Variants in SARDH observed in about 807,000 individuals in gnomAD.
The protein encoded by SARDH is sarcosine dehydrogenase, also known as sarcosine dehydrogenase, mitochondrial.
In SARDH, 95 loss-of-function variants were observed where a neutral mutation model predicts 109.1. The observed-to-expected ratio is 0.87, with a 90% CI of 0.74 to 1.03. The LOEUF is 1.03. SARDH is among the 50% of genes least tolerant of loss of function. SARDH has a pLI of 0.00. For synonymous variants in SARDH, 572 were observed against 534.8 expected (o/e 1.07, Z -0.96); for missense variants, 1,267 against 1,287.8 (o/e 0.98, Z 0.25).
intron 6 of SARDH, among the ~76,000 whole-genome samples, chr9:133,721,004 G>A (rs952941556): frequency 6.6e-6 from 1 of 152,150 alleles, no homozygotes; most frequent in Non-Finnish European, 1.5e-5. Flanking sequence ...CAGAAATCAG[G>A]AGTGGAAAAA....
chr9:133,738,745 G>C (rs1832967306), upstream of SARDH, among the ~76,000 whole-genome samples: 1 of 152,230 alleles, frequency 6.6e-6, no homozygotes, highest in South Asian at 2.1e-4. Context: ...ACTGCAGGGA[G>C]GCTCCTTTGG....
intron 19 of SARDH, among the ~76,000 whole-genome samples, chr9:133,669,669 G>A (rs1309511062): frequency 2.0e-5 from 3 of 152,180 alleles, no homozygotes; most frequent in African/African-American, 7.2e-5. Context: ...GTCGCCCCCA[G>A]GCAGAGTCTC....
At chr9:133,696,199 G>GC (rs1228039648) in intron 14 of SARDH, 24 bp downstream of exon 14, 1 of 1,611,822 alleles carries the variant, frequency 6.2e-7, no homozygotes. Context: ...ACAGGAACAT[G>GC]CCCCCCAACC....
intron 19 of SARDH, 150 bp from the exon 20 acceptor site, chr9:133,667,020 C>T (rs1830097175): frequency 1.0e-6 from 1 of 1,004,760 alleles, no homozygotes; most frequent in Non-Finnish European, 1.5e-6. Flanking sequence ...CTACGCTGGT[C>T]CCCAGAGCCA....
rs532298298 is a variant in SARDH at position 133,679,801 on chromosome 9, G to A, written c.2163+5392C>T. Among the ~76,000 whole-genome samples the A allele has an allele frequency of 2.6e-5, 4 of 152,394 alleles. No individual in the cohort carries two copies. In the East Asian group the frequency reaches 7.7e-4, roughly 29 times the overall value. On this transcript the variant is annotated intron_variant, in intron 17 of 20. Transcript: ENST00000439388. Reference sequence around the variant, plus strand: ...CAGCAGCAGTGCTCAGCTGGGAATCGCGCCCAATTCGTCTGGTGGTGAGGA... The same window carrying A: ...CAGCAGCAGTGCTCAGCTGGGAATCACGCCCAATTCGTCTGGTGGTGAGGA...
intron 16 of SARDH, among the ~76,000 whole-genome samples, chr9:133,689,158 T>G (rs1030944349): frequency 6.6e-6 from 1 of 151,128 alleles, no homozygotes; most frequent in Admixed American, 6.6e-5. Context: ...TCGGCGACCT[T>G]CAGGCTGGAG....
intron 2 of SARDH, among the ~76,000 whole-genome samples, chr9:133,733,174 G>A (rs1254063836): frequency 1.3e-5 from 2 of 152,172 alleles, no homozygotes; most frequent in African/African-American, 2.4e-5. Context: ...TGGCTTGTGG[G>A]AGCCGGCTCG....
chr9:133,705,300 TG>T (rs1831649706), intron 11 of SARDH, among the ~76,000 whole-genome samples: 1 of 71,364 alleles, frequency 1.4e-5, no homozygotes, highest in Non-Finnish European at 3.0e-5. Context: ...GCCCTCACCC[TG>T]AGAACCCCCA....
Position 133,719,037 on chromosome 9 carries a change from C to T in SARDH, c.921G>A (p.Met307Ile), listed in dbSNP as rs1487252923. The T allele has an allele frequency of 6.2e-7, 1 of 1,614,010 alleles. No individual in the cohort carries two copies. ...VTERIEGIQNMPNVRDHDASV... is the reference protein window; with the variant it reads ...VTERIEGIQNIPNVRDHDASV... ...AGGCATCATGATCACGGACATTGGG[C>T]ATGTTCTGGAAGGCAGAGAGAGAGG... The change falls in exon 7 of 21, where the codon ATG (methionine) becomes ATA (isoleucine). Residue 307 changes from methionine to isoleucine, a missense_variant. Coordinates refer to ENST00000439388, the MANE Select transcript of SARDH (RefSeq NM_001134707.2).
chr9:133,663,821 G>T lies in SARDH; in HGVS notation c.*68C>A, dbSNP rs866679257. 13 of 1,598,390 alleles carry T rather than the reference G, an allele frequency of 8.1e-6. No individual in the cohort carries two copies. Among genetic ancestry groups the T allele is most frequent in the Non-Finnish European group, 1.1e-5 (13 of 1,171,668 alleles). On this transcript the variant is annotated 3_prime_UTR_variant, in exon 21 of 21. Transcript: ENST00000439388. The stretch of plus-strand genomic sequence containing the variant: ...GTTCTGGCTGGGTCCAGGGTCCTGG[G>T]ACCCAGGGCCATTTGGGACCTGTGA...
chr9:133,672,926 T>C (rs1363690264), intron 17 of SARDH, among the ~76,000 whole-genome samples: 3 of 152,194 alleles, frequency 2.0e-5, no homozygotes, highest in East Asian at 1.9e-4. Context: ...AAAGACACGA[T>C]GGCTCAAGCC....
intron 6 of SARDH, chr9:133,725,533 G>A (rs776646891): frequency 2.3e-5 from 10 of 438,816 alleles, no homozygotes; most frequent in East Asian, 7.3e-5. Context: ...AAAATCAGCC[G>A]GGTGTGGTGA....
intron 6 of SARDH, among the ~76,000 whole-genome samples, chr9:133,721,916 GA>G (rs1245632434): frequency 6.6e-6 from 1 of 152,112 alleles, no homozygotes; most frequent in Non-Finnish European, 1.5e-5. Flanking sequence ...AGGAGTTCGA[GA>G]CCAGCCTTGG....
chr9:133,661,377 A>G (rs570818982), downstream of SARDH, among the ~76,000 whole-genome samples: 2 of 151,934 alleles, frequency 1.3e-5, no homozygotes, highest in Admixed American at 6.6e-5. Context: ...AACAAAATGG[A>G]ACCTTTCTGC....
At chr9:133,675,142 G>A (rs939632967) in intron 17 of SARDH, among the ~76,000 whole-genome samples, 16 of 152,082 alleles carry the variant, frequency 1.1e-4, no homozygotes, top group Admixed American at 3.3e-4. Flanking sequence ...TCAGGAGCTC[G>A]AGACCACCCT....
chr9:133,659,433 C>T (rs559567897), downstream of SARDH: 16 of 152,414 alleles, frequency 1.0e-4, no homozygotes, highest in African/African-American at 3.6e-4. Flanking sequence ...AAGTGCTTCC[C>T]CCTGAGCGTC....
chr9:133,670,775 G>T (rs1830318610), intron 18 of SARDH, 23 bp from the exon 19 acceptor site: 3 of 1,550,198 alleles, frequency 1.9e-6, no homozygotes, highest in Non-Finnish European at 2.6e-6. Flanking sequence ...AATCCATGGG[G>T]TCGGTGCCAC....
upstream of SARDH, among the ~76,000 whole-genome samples, chr9:133,739,079 G>A (rs563796172): frequency 1.2e-4 from 18 of 152,292 alleles, no homozygotes; most frequent in Admixed American, 1.0e-3. Context: ...TCTGGGCTGG[G>A]GCAAGTTACC....
chr9:133,731,400 G>C lies in SARDH; in HGVS notation c.595C>G (p.Leu199Val), dbSNP rs61739172. The C allele has an allele frequency of 3.6e-5, 58 of 1,614,084 alleles. 3 individuals are homozygous for C. In the South Asian group the frequency reaches 6.3e-4, roughly 17 times the overall value. The change falls in exon 4 of 21, where the codon CTC becomes GTC. Residue 199 changes from leucine to valine, a missense_variant. Leu to Val is a conservative substitution (Grantham distance 32). Coordinates refer to ENST00000439388, the MANE Select transcript of SARDH (RefSeq NM_001134707.2). The part of the protein sequence containing the change: ...TLYPLMNVDD[L>V]YGTLYVPHDG... ...TGCGGCACATACAGGGTCCCGTAGA[G>C]GTCGTCCACATTCATCAGCGGGTAC...
Sources: allele counts gnomAD v4.1 joint callset (sites outside exome capture counted in the v4.1 genomes callset), GRCh38; gene constraint gnomAD v4.1.1; transcripts MANE v1.5; gene names NCBI Gene and HGNC (gene_info 2026-07-23, HGNC 2026-07-21).